ST8SIA6: variants seen among roughly 807,000 people sequenced by gnomAD.
The protein encoded by ST8SIA6 is alpha-2,8-sialyltransferase 8F.
A neutral mutation model predicts 33.6 loss-of-function variants in ST8SIA6; 39 were observed. The ratio of observed to expected loss-of-function variants is 1.16; its 90% CI spans 0.90 to 1.52. The LOEUF is 1.52. Among genes scored for constraint, ST8SIA6 ranks in the 40% most tolerant of loss-of-function variants. ST8SIA6 has a pLI of 0.00. For synonymous variants in ST8SIA6, 172 were observed against 167.2 expected, an observed-to-expected ratio of 1.03 and a Z score of -0.22; for missense variants, 441 against 443.8, an observed-to-expected ratio of 0.99 and a Z score of 0.06.
intron 3 of ST8SIA6, among the ~76,000 whole-genome samples, chr10:17,381,726 GC>G (rs1038103182): frequency 7.9e-5 from 12 of 152,308 alleles, no homozygotes; most frequent in Middle Eastern, 6.8e-3. Flanking sequence ...TGTAAACCCA[GC>G]CCCAAACAGA....
chr10:17,453,547 G>A lies in ST8SIA6; in HGVS notation c.200+12C>T. 7.7e-7 allele frequency: 1 copy of A among 1,294,598 alleles called. No individual in the cohort carries two copies. The allele number at this position is 1,294,598 out of a possible 1,614,324, so 80.2% of individuals were successfully genotyped here. A position where few individuals can be genotyped will look rare whatever the true frequency, so the allele number is the denominator to read the frequency against. On this transcript the variant is annotated intron_variant, in intron 2 of 7. Transcript: ENST00000377602. ...CCGAGCCCCAGTCCGCCCGCGCTGG[G>A]CGCCGCTGTACCTGTTAGTGGCGCG...
intron 2 of ST8SIA6, among the ~76,000 whole-genome samples, chr10:17,422,316 C>T (rs1045002850): frequency 6.6e-6 from 1 of 152,198 alleles, no homozygotes; most frequent in Non-Finnish European, 1.5e-5. Context: ...CCCTGGTCCA[C>T]ATTTTTGCCT....
chr10:17,336,806 C>A (rs1469164859), intron 4 of ST8SIA6, among the ~76,000 whole-genome samples: 1 of 151,996 alleles, frequency 6.6e-6, no homozygotes, highest in African/African-American at 2.4e-5. Flanking sequence ...GTTGGCCAGG[C>A]TGGTCTCAAA....
intron 2 of ST8SIA6, among the ~76,000 whole-genome samples, chr10:17,406,463 TA>T (rs1307433208): frequency 1.3e-5 from 2 of 152,222 alleles, no homozygotes; most frequent in African/African-American, 4.8e-5. Flanking sequence ...GCCAGACTCT[TA>T]AAGCCACTGC....
chr10:17,389,360 A>T (rs985892436), intron 3 of ST8SIA6, among the ~76,000 whole-genome samples: 2 of 152,218 alleles, frequency 1.3e-5, no homozygotes, highest in Non-Finnish European at 2.9e-5. Context: ...CGTTTACATT[A>T]TCCTGAACCA....
chr10:17,348,898 T>C (rs1304384674), intron 4 of ST8SIA6, among the ~76,000 whole-genome samples: 1 of 151,734 alleles, frequency 6.6e-6, no homozygotes, highest in African/African-American at 2.4e-5. Flanking sequence ...AAGGGCTAAG[T>C]AATCGGGGCG....
chr10:17,432,810 G>T (rs1852140088), intron 2 of ST8SIA6, among the ~76,000 whole-genome samples: 1 of 152,178 alleles, frequency 6.6e-6, no homozygotes, highest in African/African-American at 2.4e-5. Flanking sequence ...TATAACAATA[G>T]CTGAGTTTTG....
chr10:17,332,882 T>C (rs1161135063), intron 4 of ST8SIA6, among the ~76,000 whole-genome samples: 1 of 152,234 alleles, frequency 6.6e-6, no homozygotes, highest in Non-Finnish European at 1.5e-5. Flanking sequence ...TGTCTGTTCA[T>C]ATCCTTTGTC....
intron 2 of ST8SIA6, among the ~76,000 whole-genome samples, chr10:17,447,091 A>G (rs927063445): frequency 5.3e-5 from 8 of 151,858 alleles, no homozygotes; most frequent in African/African-American, 1.9e-4. Flanking sequence ...GAATCCATGT[A>G]TGAAAAATAA....
chr10:17,358,315 C>A (rs1849262197), intron 4 of ST8SIA6, among the ~76,000 whole-genome samples: 1 of 152,162 alleles, frequency 6.6e-6, no homozygotes, highest in Admixed American at 6.6e-5. Context: ...AAAGAAGGAA[C>A]AGGCAGAGCC....
At chr10:17,381,548 T>A (rs1410490287) in intron 3 of ST8SIA6, among the ~76,000 whole-genome samples, 1 of 152,244 alleles carries the variant, frequency 6.6e-6, no homozygotes, top group African/African-American at 2.4e-5. Flanking sequence ...ATAACTTAAG[T>A]AAAATCTTTA....
At chr10:17,362,375 G>T (rs1043149954) in intron 3 of ST8SIA6, among the ~76,000 whole-genome samples, 2 of 152,088 alleles carry the variant, frequency 1.3e-5, no homozygotes, top group South Asian at 2.1e-4. Flanking sequence ...TATTTTCAAT[G>T]ATGCTATAAC....
At chr10:17,325,935 A>G (rs1848116481) in intron 6 of ST8SIA6, among the ~76,000 whole-genome samples, 1 of 152,162 alleles carries the variant, frequency 6.6e-6, no homozygotes. Context: ...CCTGATCCTC[A>G]TTACAGATGT....
intron 3 of ST8SIA6, among the ~76,000 whole-genome samples, chr10:17,384,414 C>G (rs537044009): frequency 6.6e-6 from 1 of 152,168 alleles, no homozygotes; most frequent in Non-Finnish European, 1.5e-5. Flanking sequence ...TCATGCTGCA[C>G]TATATACAAA....
At chr10:17,398,302 G>C (rs1345701573) in intron 2 of ST8SIA6, among the ~76,000 whole-genome samples, 1 of 151,854 alleles carries the variant, frequency 6.6e-6, no homozygotes, top group African/African-American at 2.4e-5. Flanking sequence ...ACTCCAGCCT[G>C]GGTGACAGAG....
intron 3 of ST8SIA6, among the ~76,000 whole-genome samples, chr10:17,387,675 A>G (rs757546372): frequency 6.6e-6 from 1 of 152,218 alleles, no homozygotes; most frequent in Admixed American, 6.5e-5. Context: ...CTTAGCCAGT[A>G]TCAAGCTTTC....
chr10:17,449,787 C>T (rs560811808), intron 2 of ST8SIA6, among the ~76,000 whole-genome samples: 1 of 152,064 alleles, frequency 6.6e-6, no homozygotes, highest in African/African-American at 2.4e-5. Context: ...GGAACTGAGT[C>T]AGTAGGAGCA....
intron 4 of ST8SIA6, among the ~76,000 whole-genome samples, chr10:17,335,977 A>G (rs929723145): frequency 1.3e-5 from 2 of 149,210 alleles, no homozygotes; most frequent in African/African-American, 5.0e-5. Context: ...TTTTTTTTAG[A>G]TAGAGTCTCA....
intron 5 of ST8SIA6, among the ~76,000 whole-genome samples, chr10:17,328,268 C>T (rs1011091506): frequency 5.3e-5 from 8 of 152,270 alleles, no homozygotes; most frequent in East Asian, 1.9e-4. Context: ...TTATGCCTGC[C>T]GTCTCTGCGA....
Sources: gnomAD v4.1 joint callset for allele counts (sites outside exome capture counted in the v4.1 genomes callset) on GRCh38, gnomAD v4.1.1 for gene constraint, MANE v1.5 for transcripts, NCBI Gene and HGNC (gene_info 2026-07-23, HGNC 2026-07-21) for gene names.